MACROD1: variants seen among roughly 807,000 people sequenced by gnomAD.
MACROD1 encodes ADP-ribose glycohydrolase MACROD1.
In MACROD1, 31 loss-of-function variants were observed where a neutral mutation model predicts 41.4. That is an observed-to-expected ratio of 0.75 (90% confidence interval 0.56 to 1.01). MACROD1 has a LOEUF of 1.01. Among genes scored for constraint, MACROD1 ranks in the 50% least tolerant of loss-of-function variants. The pLI, the probability that MACROD1 is intolerant of heterozygous loss-of-function variation, is 0.00. For missense variants in MACROD1, 473 were observed against 460.0 expected (o/e 1.03, Z -0.26); for synonymous variants, 252 against 203.4 (o/e 1.24, Z -2.03).
chr11:64,052,731 C>T (rs578165912), intron 3 of MACROD1, among the ~76,000 whole-genome samples: 3 of 152,338 alleles, frequency 2.0e-5, no homozygotes, highest in Admixed American at 6.5e-5. Context: ...CACAACCTCC[C>T]AGCTTCTAGG....
intron 3 of MACROD1, among the ~76,000 whole-genome samples, chr11:64,144,791 C>T (rs1199262273): frequency 5.3e-5 from 8 of 152,228 alleles, no homozygotes; most frequent in Admixed American, 6.5e-5. Flanking sequence ...TCGTGGTGGC[C>T]GGCAAGCCTC....
intron 1 of MACROD1, among the ~76,000 whole-genome samples, 195 bp from the exon 2 acceptor site, chr11:64,152,588 A>C (rs1945598912): frequency 6.6e-6 from 1 of 152,188 alleles, no homozygotes; most frequent in Non-Finnish European, 1.5e-5. Context: ...CTCTTTGTTC[A>C]GGGAGGGAAA....
At chr11:64,002,496 G>A (rs1942842552) in intron 4 of MACROD1, among the ~76,000 whole-genome samples, 1 of 152,274 alleles carries the variant, frequency 6.6e-6, no homozygotes, top group African/African-American at 2.4e-5. Flanking sequence ...TGATGGCTCT[G>A]CAGGGGCCCC....
intron 3 of MACROD1, among the ~76,000 whole-genome samples, chr11:64,021,977 C>T: frequency 1.3e-4 from 1 of 7,586 alleles, no homozygotes. Flanking sequence ...GGCAGTGGAT[C>T]TGGAGGGGTG....
chr11:63,999,283 ACT>A (rs1565188359), intron 8 of MACROD1, 46 bp downstream of exon 8: 1 of 1,534,180 alleles, frequency 6.5e-7, no homozygotes, highest in East Asian at 2.4e-5. Flanking sequence ...GGGGCTGGTC[ACT>A]CTGGCCGGGA....
At chr11:64,112,233 G>A (rs1467511811) in intron 3 of MACROD1, among the ~76,000 whole-genome samples, 2 of 152,134 alleles carry the variant, frequency 1.3e-5, no homozygotes, top group African/African-American at 2.4e-5. Context: ...AAACAAAAAA[G>A]GGCCAGGCAC....
chr11:64,115,744 G>A lies in MACROD1; in HGVS notation c.517+35495C>T, dbSNP rs541225252. On this transcript the variant is annotated intron_variant, in intron 3 of 10. Transcript: ENST00000255681. ...CTGGGTCCGAGCCAGACAGCAATGCGTGCTCCTCGTGCAGTGCCAGGGAAA... is the reference window on the plus strand; with the variant it reads ...CTGGGTCCGAGCCAGACAGCAATGCATGCTCCTCGTGCAGTGCCAGGGAAA... Among the ~76,000 whole-genome samples, 153 of 152,304 alleles carry A rather than the reference G, an allele frequency of 1.0e-3. 1 individual carries two copies. The Middle Eastern group carries it at 0.017, about 17-fold the overall frequency.
intron 3 of MACROD1, among the ~76,000 whole-genome samples, chr11:64,124,052 C>A (rs1479613659): frequency 6.6e-6 from 1 of 152,224 alleles, no homozygotes; most frequent in Non-Finnish European, 1.5e-5. Context: ...CTGGTGTCCC[C>A]TGAAAACCCC....
chr11:64,073,820 AG>A (rs1055538696), intron 3 of MACROD1, among the ~76,000 whole-genome samples: 11 of 151,500 alleles, frequency 7.3e-5, no homozygotes, highest in Non-Finnish European at 1.6e-4. Flanking sequence ...TGTGTTGGGG[AG>A]GGGGGCCCAC....
intron 3 of MACROD1, among the ~76,000 whole-genome samples, chr11:64,017,182 G>A (rs544220322): frequency 6.6e-6 from 1 of 152,276 alleles, no homozygotes; most frequent in East Asian, 1.9e-4. Context: ...TGTTGGTCAA[G>A]CTGGTATCGT....
intron 3 of MACROD1, among the ~76,000 whole-genome samples, chr11:64,084,475 G>A (rs911764151): frequency 1.3e-5 from 2 of 151,724 alleles, no homozygotes; most frequent in South Asian, 2.1e-4. Context: ...AAGAGGCAGC[G>A]AGGGTGGGAG....
chr11:64,151,238 C>G lies in MACROD1; in HGVS notation c.517+1G>C. 6.2e-7 allele frequency: 1 copy of G among 1,612,328 alleles called. No individual in the cohort carries two copies. Among genetic ancestry groups the G allele is most frequent in the Non-Finnish European group, 8.5e-7 (1 of 1,179,590 alleles). On this transcript the variant is annotated splice_donor_variant, in intron 3 of 10. Coordinates refer to ENST00000255681, the MANE Select transcript of MACROD1 (RefSeq NM_014067.4). LOFTEE classifies it high-confidence loss of function. Reference sequence around the variant, plus strand: ...GTCTCTGGTTCAGGCCAGCCACTCACCGGCGTTGACGATGGCGTCCACCTC... The same window carrying G: ...GTCTCTGGTTCAGGCCAGCCACTCAGCGGCGTTGACGATGGCGTCCACCTC...
intron 3 of MACROD1, among the ~76,000 whole-genome samples, chr11:64,027,224 C>T (rs1463382544): frequency 6.6e-6 from 1 of 152,132 alleles, no homozygotes; most frequent in Non-Finnish European, 1.5e-5. Context: ...GTGACCAGGC[C>T]CACGGGGCCC....
intron 1 of MACROD1, among the ~76,000 whole-genome samples, chr11:64,162,373 C>T (rs986252323): frequency 6.6e-6 from 1 of 151,844 alleles, no homozygotes; most frequent in Non-Finnish European, 1.5e-5. Context: ...CATGGTGATG[C>T]GCGCCTGTAC....
intron 3 of MACROD1, among the ~76,000 whole-genome samples, chr11:64,126,516 T>G (rs1314102268): frequency 1.3e-5 from 2 of 152,156 alleles, no homozygotes; most frequent in Non-Finnish European, 2.9e-5. Context: ...GGCAGAGGAA[T>G]GTCTTAAGAG....
At chr11:64,164,884 G>A (rs919623476) in intron 1 of MACROD1, among the ~76,000 whole-genome samples, 1 of 149,862 alleles carries the variant, frequency 6.7e-6, no homozygotes, top group African/African-American at 2.4e-5. Flanking sequence ...GGGCTATTTG[G>A]GGCTCAGTAG....
chr11:64,140,462 G>A (rs1310209384), intron 3 of MACROD1, among the ~76,000 whole-genome samples: 2 of 152,234 alleles, frequency 1.3e-5, no homozygotes, highest in Non-Finnish European at 2.9e-5. Context: ...GGAAGGAGGT[G>A]CCTTCAGCCT....
intron 3 of MACROD1, among the ~76,000 whole-genome samples, chr11:64,027,428 G>A (rs1234090669): frequency 2.0e-5 from 3 of 152,160 alleles, no homozygotes; most frequent in Non-Finnish European, 4.4e-5. Flanking sequence ...TGGGAGAGGC[G>A]GCATGATTGA....
chr11:64,107,470 C>CTGCCGCCTGGCAACAG (rs1377726522), intron 3 of MACROD1, among the ~76,000 whole-genome samples: 1 of 152,198 alleles, frequency 6.6e-6, no homozygotes, highest in African/African-American at 2.4e-5. Context: ...TCAGGACATC[C>CTGCCGCCTGGCAACAG]CGCCGCCTGG....
Sources: gnomAD v4.1 joint callset for allele counts (sites outside exome capture counted in the v4.1 genomes callset) on GRCh38, gnomAD v4.1.1 for gene constraint, MANE v1.5 for transcripts, NCBI Gene and HGNC (gene_info 2026-07-23, HGNC 2026-07-21) for gene names.